The following COMMD10 variants were observed in gnomAD, a reference collection of about 807,000 sequenced individuals.
COMMD10 encodes COMM domain-containing protein 10.
A neutral mutation model predicts 28.9 loss-of-function variants in COMMD10; 33 were observed. That is an observed-to-expected ratio of 1.14 (90% CI 0.87 to 1.53). The LOEUF is 1.53. Among genes scored for constraint, COMMD10 ranks in the 40% most tolerant of loss-of-function variants. The pLI, the probability that COMMD10 is intolerant of heterozygous loss-of-function variation, is 0.00. For synonymous variants in COMMD10, 110 were observed against 81.7 expected (o/e 1.35, Z -1.87); for missense variants, 310 against 233.4 (o/e 1.33, Z -2.14).
At chr5:116,270,669 G>A (rs1405357514) in intron 5 of COMMD10, among the ~76,000 whole-genome samples, 1 of 151,718 alleles carries the variant, frequency 6.6e-6, no homozygotes, top group East Asian at 1.9e-4. Flanking sequence ...GGACACGGTG[G>A]CTCACACCTG....
At chr5:116,238,734 A>T (rs949928712) in intron 5 of COMMD10, among the ~76,000 whole-genome samples, 2 of 152,200 alleles carry the variant, frequency 1.3e-5, no homozygotes, top group African/African-American at 2.4e-5. Context: ...CATACTCCTT[A>T]TATGGGGTAA....
chr5:116,266,009 A>G (rs1750575639), intron 5 of COMMD10, among the ~76,000 whole-genome samples: 1 of 151,796 alleles, frequency 6.6e-6, no homozygotes. Context: ...AATATGGAAG[A>G]CATTGGTGCT....
intron 5 of COMMD10, among the ~76,000 whole-genome samples, chr5:116,225,695 G>A (rs1193094609): frequency 6.6e-6 from 1 of 151,844 alleles, no homozygotes; most frequent in African/African-American, 2.4e-5. Flanking sequence ...GCCAGCTTTG[G>A]GCCCTATACT....
intron 5 of COMMD10, among the ~76,000 whole-genome samples, chr5:116,237,284 A>T (rs376969267): frequency 6.6e-6 from 1 of 152,156 alleles, no homozygotes; most frequent in African/African-American, 2.4e-5. Context: ...ACTAGTCTAG[A>T]CTTTGTAGGC....
At chr5:116,211,642 C>T (rs973769132) in intron 5 of COMMD10, among the ~76,000 whole-genome samples, 6 of 152,006 alleles carry the variant, frequency 3.9e-5, no homozygotes, top group Admixed American at 6.6e-5. Flanking sequence ...TTTCTAGTAA[C>T]GCTCAAATAA....
chr5:116,205,480 C>T (rs372403098), intron 5 of COMMD10, among the ~76,000 whole-genome samples: 3 of 152,106 alleles, frequency 2.0e-5, no homozygotes, highest in Non-Finnish European at 4.4e-5. Context: ...GGAAACTTTT[C>T]TAGCCTTCCT....
At chr5:116,168,317 G>A (rs1220124173) in intron 5 of COMMD10, among the ~76,000 whole-genome samples, 1 of 152,084 alleles carries the variant, frequency 6.6e-6, no homozygotes, top group Non-Finnish European at 1.5e-5. Context: ...CGCAATACAG[G>A]AGCACCCAGA....
chr5:116,149,561 G>A (rs930782423), intron 5 of COMMD10, among the ~76,000 whole-genome samples: 2 of 147,418 alleles, frequency 1.4e-5, no homozygotes, highest in Non-Finnish European at 3.0e-5. Context: ...ACCGGTGTGA[G>A]ATGGTATCTC....
chr5:116,283,796 T>C (rs1751142073), intron 5 of COMMD10, among the ~76,000 whole-genome samples: 1 of 151,884 alleles, frequency 6.6e-6, no homozygotes, highest in Admixed American at 6.5e-5. Flanking sequence ...TTATATTACA[T>C]ATCCAGTTAT....
At chr5:116,250,693 C>A (rs1750088479) in intron 5 of COMMD10, among the ~76,000 whole-genome samples, 1 of 151,826 alleles carries the variant, frequency 6.6e-6, no homozygotes, top group African/African-American at 2.4e-5. Context: ...ACAAGCAGTG[C>A]AGAGGAGGAG....
intron 5 of COMMD10, among the ~76,000 whole-genome samples, chr5:116,236,022 C>T (rs1278959610): frequency 6.6e-6 from 1 of 151,884 alleles, no homozygotes; most frequent in Non-Finnish European, 1.5e-5. Flanking sequence ...GTTTTATTTG[C>T]GGCATTATGT....
rs1749137574 is a variant in COMMD10 at position 116,217,544 on chromosome 5, T to A, written c.511-73973T>A. ...CAATCTAGAAACGGAACCACTGCTC[T>A]TTTGACAGGTGCCATCTCAGTGGCA... On this transcript the variant is annotated intron_variant, in intron 5 of 6. Transcript: ENST00000274458. Among the ~76,000 whole-genome samples, 3 of 152,316 alleles carry A rather than the reference T, an allele frequency of 2.0e-5. No homozygotes were observed. In the South Asian group the frequency reaches 6.2e-4, roughly 32 times the overall value.
intron 4 of COMMD10, among the ~76,000 whole-genome samples, chr5:116,100,587 G>T: frequency 7.7e-6 from 1 of 129,270 alleles, no homozygotes. Flanking sequence ...TTTTTCCCAT[G>T]GTGTATCCTT....
intron 5 of COMMD10, among the ~76,000 whole-genome samples, chr5:116,187,130 G>C (rs527519566): frequency 1.3e-5 from 2 of 152,148 alleles, no homozygotes; most frequent in South Asian, 2.1e-4. Flanking sequence ...TTTAAAAACA[G>C]TATGGGAATA....
intron 5 of COMMD10, among the ~76,000 whole-genome samples, chr5:116,146,630 T>G (rs1297716693): frequency 2.0e-5 from 3 of 151,908 alleles, no homozygotes; most frequent in African/African-American, 7.2e-5. Flanking sequence ...TTAAATAAGA[T>G]TTTAAGCATG....
At chr5:116,226,957 A>C (rs572275634) in intron 5 of COMMD10, among the ~76,000 whole-genome samples, 243 of 152,178 alleles carry the variant, frequency 1.6e-3, no homozygotes, top group African/African-American at 5.6e-3. Context: ...CTCTCATTTC[A>C]TATGAGTTCA....
intron 5 of COMMD10, among the ~76,000 whole-genome samples, chr5:116,195,914 A>G (rs1748505245): frequency 6.6e-6 from 1 of 152,180 alleles, no homozygotes; most frequent in African/African-American, 2.4e-5. Context: ...GAACAGCCAT[A>G]ATCAGAAAAT....
At chr5:116,117,907 A>G (rs530933202) in intron 4 of COMMD10, among the ~76,000 whole-genome samples, 1 of 152,126 alleles carries the variant, frequency 6.6e-6, no homozygotes, top group Non-Finnish European at 1.5e-5. Flanking sequence ...TCCAAAAGTG[A>G]TTTTTTAAAA....
chr5:116,287,687 G>C (rs899063418), intron 5 of COMMD10, among the ~76,000 whole-genome samples: 16 of 150,514 alleles, frequency 1.1e-4, no homozygotes, highest in Non-Finnish European at 1.6e-4. Flanking sequence ...TTTTTTTCTA[G>C]TGGTATGCTT....
Sources: allele counts gnomAD v4.1 joint callset (sites outside exome capture counted in the v4.1 genomes callset), GRCh38; gene constraint gnomAD v4.1.1; transcripts MANE v1.5; gene names NCBI Gene and HGNC (gene_info 2026-07-23, HGNC 2026-07-21).